SH2D4A: variants seen among roughly 807,000 people sequenced by gnomAD.
SH2D4A encodes the protein SH2 domain-containing protein 4A.
Under a neutral mutation model 64.7 loss-of-function variants are expected in SH2D4A, and 70 were observed. The observed-to-expected ratio is 1.08, with a 90% CI of 0.89 to 1.32. SH2D4A has a LOEUF of 1.32. SH2D4A is among the 40% of genes most tolerant of loss of function. The probability of loss-of-function intolerance (pLI) is 0.00; values close to 1 mark genes in which losing one functional copy is unlikely to be tolerated. For missense variants in SH2D4A, 706 were observed against 540.1 expected, an observed-to-expected ratio of 1.31 and a Z score of -3.04; for synonymous variants, 268 against 200.7, an observed-to-expected ratio of 1.34 and a Z score of -2.83.
At chr8:19,349,754 GTTA>G (rs1345730324) in intron 4 of SH2D4A, among the ~76,000 whole-genome samples, 5 of 152,184 alleles carry the variant, frequency 3.3e-5, no homozygotes, top group African/African-American at 1.2e-4. Flanking sequence ...TTCTATTGTT[GTTA>G]TTATTATTTC....
In SH2D4A at chr8:19,394,747, A is replaced by C. The variant is rs530468896; in HGVS notation, c.*105A>C. 8.0e-5 allele frequency: 53 copies of C among 659,642 alleles called. No homozygotes were observed. The African/African-American group carries it at 9.6e-4, about 12-fold the overall frequency. The allele number at this position is 659,642 out of a possible 1,614,324, so 40.9% of individuals were successfully genotyped here. ...GCCAAAATCACCCTGCAGCAGAGCC[A>C]ATACTGATCAACTGAAAGTAAAGTA... On this transcript the variant is annotated 3_prime_UTR_variant, in exon 10 of 10. Coordinates refer to ENST00000265807, the MANE Select transcript of SH2D4A (RefSeq NM_022071.4).
At chr8:19,320,028 C>A (rs946773846) in intron 2 of SH2D4A, among the ~76,000 whole-genome samples, 1 of 152,164 alleles carries the variant, frequency 6.6e-6, no homozygotes, top group African/African-American at 2.4e-5. Flanking sequence ...AGAAAGGTTT[C>A]TATCTCCTTT....
At chr8:19,385,920 A>G (rs1040449433) in intron 8 of SH2D4A, among the ~76,000 whole-genome samples, 1 of 152,202 alleles carries the variant, frequency 6.6e-6, no homozygotes, top group Non-Finnish European at 1.5e-5. Context: ...AGGGATTTTC[A>G]AGCTTCTGTC....
chr8:19,345,673 A>G (rs1585164218), intron 4 of SH2D4A, among the ~76,000 whole-genome samples: 1 of 152,364 alleles, frequency 6.6e-6, no homozygotes, highest in East Asian at 1.9e-4. Context: ...ATCTTCTCAC[A>G]TATAAAAATG....
intron 7 of SH2D4A, among the ~76,000 whole-genome samples, chr8:19,367,204 A>C (rs1464995834): frequency 6.6e-6 from 1 of 152,200 alleles, no homozygotes; most frequent in African/African-American, 2.4e-5. Flanking sequence ...ATAGTGCTGC[A>C]ATAAACATGG....
intron 8 of SH2D4A, among the ~76,000 whole-genome samples, chr8:19,385,395 G>C (rs1246801121): frequency 1.3e-5 from 2 of 152,032 alleles, no homozygotes; most frequent in Admixed American, 1.3e-4. Flanking sequence ...ATTTTTAGTA[G>C]AGACCATGTT....
intron 8 of SH2D4A, among the ~76,000 whole-genome samples, chr8:19,391,329 G>A (rs2053489198): frequency 6.6e-6 from 1 of 152,130 alleles, no homozygotes; most frequent in Non-Finnish European, 1.5e-5. Flanking sequence ...GTACCTCATG[G>A]GGATAGTGGA....
At chr8:19,390,779 G>A (rs1364499896) in intron 8 of SH2D4A, among the ~76,000 whole-genome samples, 1 of 152,134 alleles carries the variant, frequency 6.6e-6, no homozygotes, top group African/African-American at 2.4e-5. Context: ...TGGTGTCCCA[G>A]GAGATTAGAT....
At chr8:19,369,189 C>A (rs2053053086) in intron 7 of SH2D4A, among the ~76,000 whole-genome samples, 1 of 152,062 alleles carries the variant, frequency 6.6e-6, no homozygotes, top group African/African-American at 2.4e-5. Flanking sequence ...TTCCTTTGAA[C>A]ATGGTGAAGG....
In SH2D4A at chr8:19,319,737, A is replaced by G; in HGVS notation, c.181+9A>G. On this transcript the variant is annotated intron_variant, in intron 2 of 9. Transcript: ENST00000265807. ...ACCCAGACCAAAGAAAGGTAAACTT[A>G]TCCACGTTTCTTCTGTGGATGTGTT... The G allele has an allele frequency of 6.4e-7, 1 of 1,561,888 alleles. No individual in the cohort carries two copies. Among genetic ancestry groups the G allele is most frequent in the Non-Finnish European group, 8.6e-7 (1 of 1,157,900 alleles).
chr8:19,354,450 C>T (rs1246140315), intron 4 of SH2D4A, among the ~76,000 whole-genome samples: 1 of 152,216 alleles, frequency 6.6e-6, no homozygotes, highest in Non-Finnish European at 1.5e-5. Flanking sequence ...ACCACTGTCA[C>T]TTTAGTGCCC....
At chr8:19,380,758 C>CTGTTT (rs1314304829) in intron 8 of SH2D4A, among the ~76,000 whole-genome samples, 1 of 152,168 alleles carries the variant, frequency 6.6e-6, no homozygotes, top group African/African-American at 2.4e-5. Flanking sequence ...CAGTACCACA[C>CTGTTT]TGTTTTGATT....
intron 2 of SH2D4A, among the ~76,000 whole-genome samples, chr8:19,327,912 C>T (rs932962346): frequency 3.9e-5 from 6 of 152,154 alleles, no homozygotes; most frequent in Admixed American, 6.6e-5. Flanking sequence ...CTCTGAAGTC[C>T]GAGGCTGCCT....
intron 4 of SH2D4A, among the ~76,000 whole-genome samples, chr8:19,348,141 G>A (rs992270326): frequency 4.6e-5 from 7 of 152,142 alleles, no homozygotes; most frequent in Non-Finnish European, 5.9e-5. Context: ...TGTCACCCAG[G>A]CTGGAGTGCC....
chr8:19,361,470 A>T, intron 6 of SH2D4A, 156 bp downstream of exon 6: 1 of 719,932 alleles, frequency 1.4e-6, no homozygotes. Context: ...TATTACTCAA[A>T]TGCTTACAGG....
At chr8:19,384,140 T>G (rs2053345085) in intron 8 of SH2D4A, among the ~76,000 whole-genome samples, 1 of 152,204 alleles carries the variant, frequency 6.6e-6, no homozygotes, top group Non-Finnish European at 1.5e-5. Flanking sequence ...TGCCCTATGT[T>G]ATTTCTACAA....
At chr8:19,329,543 C>A (rs1443256885) in intron 2 of SH2D4A, among the ~76,000 whole-genome samples, 1 of 152,188 alleles carries the variant, frequency 6.6e-6, no homozygotes, top group East Asian at 1.9e-4. Flanking sequence ...ACTAGACCAT[C>A]TTGTCCTAAG....
At chr8:19,315,228 C>G (rs1450901879) in intron 1 of SH2D4A, among the ~76,000 whole-genome samples, 1 of 152,104 alleles carries the variant, frequency 6.6e-6, no homozygotes, top group Non-Finnish European at 1.5e-5. Flanking sequence ...CTCAAACTCT[C>G]CAACTCAAGA....
intron 2 of SH2D4A, among the ~76,000 whole-genome samples, chr8:19,324,848 C>A (rs1316994255): frequency 6.6e-6 from 1 of 152,108 alleles, no homozygotes; most frequent in African/African-American, 2.4e-5. Context: ...CATTCATAGA[C>A]TCTCAGGGGT....
Sources: allele counts gnomAD v4.1 joint callset (sites outside exome capture counted in the v4.1 genomes callset), GRCh38; gene constraint gnomAD v4.1.1; transcripts MANE v1.5; gene names NCBI Gene and HGNC (gene_info 2026-07-23, HGNC 2026-07-21).